The following DNM3 variants were observed in gnomAD, a reference collection of about 807,000 sequenced individuals.
The protein encoded by DNM3 is dynamin-3.
A neutral mutation model predicts 101.6 loss-of-function variants in DNM3; 47 were observed. The ratio of observed to expected loss-of-function variants is 0.46; its 90% CI spans 0.37 to 0.59. The LOEUF (loss-of-function observed/expected upper bound fraction) is 0.59. Among genes scored for constraint, DNM3 ranks in the 20% least tolerant of loss-of-function variants. The probability of loss-of-function intolerance (pLI) is 0.00; values close to 1 mark genes in which losing one functional copy is unlikely to be tolerated. For missense variants in DNM3, 849 were observed against 1,085.7 expected, an observed-to-expected ratio of 0.78 and a Z score of 3.06; for synonymous variants, 385 against 387.9, an observed-to-expected ratio of 0.99 and a Z score of 0.09.
At chr1:171,895,996 A>G (rs2037757869) in intron 1 of DNM3, among the ~76,000 whole-genome samples, 1 of 152,192 alleles carries the variant, frequency 6.6e-6, no homozygotes, top group East Asian at 1.9e-4. Context: ...CCATTGATCT[A>G]TATCTCTGTT....
chr1:172,139,143 A>T, intron 14 of DNM3: 1 of 314,594 alleles, frequency 3.2e-6, no homozygotes, highest in Non-Finnish European at 6.2e-6. Context: ...TCACATTAAA[A>T]TTTTAAGGAA....
intron 14 of DNM3, among the ~76,000 whole-genome samples, chr1:172,192,646 G>A (rs1432195719): frequency 2.6e-5 from 4 of 151,144 alleles, no homozygotes; most frequent in Admixed American, 1.3e-4. Context: ...TTGTTCTCGC[G>A]ATAGTTTACT....
Position 172,407,757 on chromosome 1 carries a change from T to C in DNM3, c.2523-15T>C. On this transcript the variant is annotated splice_polypyrimidine_tract_variant and intron_variant, in intron 20 of 20. Coordinates refer to ENST00000627582, the MANE Select transcript of DNM3 (RefSeq NM_015569.5). ...TTCTACTTGTTTCTTTACCTTTCTC[T>C]TTTTCTCTTTCTAGCCGGAGACCAC... is the stretch of plus-strand genomic sequence containing the variant. 1 of 1,612,260 alleles carries C rather than the reference T, an allele frequency of 6.2e-7. No homozygotes were observed. The highest frequency in any genetic ancestry group is 8.5e-7 in the Non-Finnish European group (1 of 1,178,576).
At chr1:172,233,100 C>T (rs188991445) in intron 14 of DNM3, among the ~76,000 whole-genome samples, 2 of 152,234 alleles carry the variant, frequency 1.3e-5, no homozygotes, top group African/African-American at 4.8e-5. Flanking sequence ...AATCCAGAAC[C>T]TAGTTTTTTG....
At chr1:171,934,207 A>T (rs932917385) in intron 2 of DNM3, among the ~76,000 whole-genome samples, 3 of 152,242 alleles carry the variant, frequency 2.0e-5, no homozygotes, top group Non-Finnish European at 4.4e-5. Flanking sequence ...AAGCATAACA[A>T]ATAGGTGTGT....
At chr1:171,941,361 G>A (rs922573216) in intron 2 of DNM3, among the ~76,000 whole-genome samples, 3 of 152,158 alleles carry the variant, frequency 2.0e-5, no homozygotes, top group African/African-American at 7.2e-5. Context: ...TTAATGCTTA[G>A]CCAAATCCTT....
chr1:172,014,618 AT>A (rs748661388), intron 4 of DNM3, among the ~76,000 whole-genome samples: 11 of 151,982 alleles, frequency 7.2e-5, no homozygotes, highest in Non-Finnish European at 1.2e-4. Context: ...CTGTTCAGGT[AT>A]TTTTCTCATT....
intron 1 of DNM3, among the ~76,000 whole-genome samples, chr1:171,872,631 T>C (rs1163374637): frequency 6.6e-6 from 1 of 152,238 alleles, no homozygotes; most frequent in East Asian, 1.9e-4. Context: ...CTCGGCATGC[T>C]GGCCAGACCC....
intron 16 of DNM3, among the ~76,000 whole-genome samples, chr1:172,321,200 A>T (rs578016034): frequency 6.6e-6 from 1 of 152,342 alleles, no homozygotes; most frequent in East Asian, 1.9e-4. Context: ...CAGGAGAAAA[A>T]GTCTCTGCGT....
At chr1:172,191,696 C>T (rs2059730678) in intron 14 of DNM3, among the ~76,000 whole-genome samples, 1 of 152,064 alleles carries the variant, frequency 6.6e-6, no homozygotes, top group Non-Finnish European at 1.5e-5. Flanking sequence ...TTTCGTTGAG[C>T]AGTGGTTTGT....
chr1:172,138,752 TG>T, intron 14 of DNM3: 2 of 359,654 alleles, frequency 5.6e-6, no homozygotes, highest in South Asian at 2.2e-5. Context: ...TTGGTGTAGA[TG>T]CTATGGTGTG....
chr1:172,021,719 T>C (rs1286401762), intron 4 of DNM3, among the ~76,000 whole-genome samples: 1 of 152,198 alleles, frequency 6.6e-6, no homozygotes, highest in African/African-American at 2.4e-5. Context: ...ACTTTTGGGG[T>C]ACCTTGTGTA....
chr1:172,363,330 A>T (rs1311354264), intron 17 of DNM3, among the ~76,000 whole-genome samples: 1 of 151,870 alleles, frequency 6.6e-6, no homozygotes. Flanking sequence ...AAAATTTACT[A>T]AAAAATAAAC....
chr1:172,259,485 G>C (rs1395379843), intron 15 of DNM3, among the ~76,000 whole-genome samples: 1 of 151,740 alleles, frequency 6.6e-6, no homozygotes, highest in Non-Finnish European at 1.5e-5. Flanking sequence ...TTGATGAACT[G>C]ACACCTCTTT....
rs1352502844 is a variant in DNM3 at position 172,059,928 on chromosome 1, A to T, written c.1336-8891A>T. ...ATTGTCCCTGTTTGCAGACGACATG[A>T]TTGTATATCTAGAAAACCCCATTGT... On this transcript the variant is annotated intron_variant, in intron 10 of 20. Transcript: ENST00000627582. Among the ~76,000 whole-genome samples the T allele has an allele frequency of 2.2e-5, 3 of 135,228 alleles. No individual in the cohort carries two copies. In the East Asian group the frequency reaches 7.0e-4, roughly 32 times the overall value. 88.7% of individuals were successfully genotyped at this position (135,228 alleles called of 152,430 possible).
At chr1:172,393,392 T>C (rs1238594858) in intron 20 of DNM3, 1 of 152,520 alleles carries the variant, frequency 6.6e-6, no homozygotes, top group African/African-American at 2.4e-5. Context: ...CCCCAAATTT[T>C]GCATGAGGAC....
intron 6 of DNM3, among the ~76,000 whole-genome samples, chr1:172,035,841 G>A (rs1320047710): frequency 6.6e-6 from 1 of 151,966 alleles, no homozygotes; most frequent in African/African-American, 2.4e-5. Flanking sequence ...ATTTATTACT[G>A]CAAGCAAGGG....
At chr1:172,387,079 T>C (rs1264427677) in intron 18 of DNM3, 54 bp from the exon 19 acceptor site, 1 of 1,454,534 alleles carries the variant, frequency 6.9e-7, no homozygotes, top group Non-Finnish European at 9.6e-7. Context: ...TGTTTCTACC[T>C]CCACTCAGTC....
intron 14 of DNM3, among the ~76,000 whole-genome samples, chr1:172,186,746 T>C (rs1195607830): frequency 6.6e-6 from 1 of 152,146 alleles, no homozygotes; most frequent in African/African-American, 2.4e-5. Flanking sequence ...GTATTTTTCA[T>C]CTCTACCAGT....
Sources: allele counts gnomAD v4.1 joint callset (sites outside exome capture counted in the v4.1 genomes callset), GRCh38; gene constraint gnomAD v4.1.1; transcripts MANE v1.5; gene names NCBI Gene and HGNC (gene_info 2026-07-23, HGNC 2026-07-21).